The following HPSE2 variants were observed in gnomAD, a reference collection of about 807,000 sequenced individuals.
HPSE2 encodes the protein inactive heparanase-2.
HPSE2 carries 38 observed loss-of-function variants against 60.5 expected under a neutral mutation model. The observed-to-expected ratio is 0.63, with a 90% CI of 0.48 to 0.82. The LOEUF (loss-of-function observed/expected upper bound fraction) is 0.82. Ranked by LOEUF, HPSE2 falls within the 40% of genes least tolerant of loss-of-function variation. The pLI, the probability that HPSE2 is intolerant of heterozygous loss-of-function variation, is 0.00. For synonymous variants in HPSE2, 295 were observed against 293.2 expected (o/e 1.01, Z -0.06); for missense variants, 713 against 740.4 (o/e 0.96, Z 0.43).
intron 3 of HPSE2, among the ~76,000 whole-genome samples, chr10:99,020,896 G>A (rs1035830555): frequency 1.3e-5 from 2 of 152,160 alleles, no homozygotes; most frequent in Non-Finnish European, 2.9e-5. Flanking sequence ...CAGGGCCAGG[G>A]AACACACAGG....
chr10:98,476,615 CCT>C (rs1941032825), intron 11 of HPSE2, among the ~76,000 whole-genome samples: 1 of 151,916 alleles, frequency 6.6e-6, no homozygotes, highest in African/African-American at 2.4e-5. Context: ...CATGGTGGAA[CCT>C]CATCTTTACT....
intron 2 of HPSE2, among the ~76,000 whole-genome samples, chr10:99,216,525 T>C (rs1441463467): frequency 1.3e-5 from 2 of 152,148 alleles, no homozygotes; most frequent in Non-Finnish European, 2.9e-5. Flanking sequence ...TTTACAACAA[T>C]CAGAGATAAT....
At chr10:98,822,294 C>T (rs1260706157) in intron 3 of HPSE2, among the ~76,000 whole-genome samples, 1 of 152,084 alleles carries the variant, frequency 6.6e-6, no homozygotes, top group Non-Finnish European at 1.5e-5. Context: ...TTTCATTCAG[C>T]CACCTCCATA....
chr10:98,750,168 T>C (rs1039214089), intron 3 of HPSE2, among the ~76,000 whole-genome samples: 3 of 151,820 alleles, frequency 2.0e-5, no homozygotes, highest in Non-Finnish European at 4.4e-5. Flanking sequence ...GTCAAGTAGA[T>C]AACTATGGAA....
intron 3 of HPSE2, among the ~76,000 whole-genome samples, chr10:98,950,646 A>C (rs564432613): frequency 6.6e-5 from 10 of 152,294 alleles, no homozygotes; most frequent in South Asian, 2.1e-4. Flanking sequence ...AAACAATATA[A>C]TTAATCTGGC....
intron 9 of HPSE2, among the ~76,000 whole-genome samples, chr10:98,578,689 A>G (rs1320646155): frequency 6.6e-6 from 1 of 152,232 alleles, no homozygotes; most frequent in Non-Finnish European, 1.5e-5. Flanking sequence ...GCAAAGGAAA[A>G]ATTGTGAAAC....
chr10:98,764,756 C>T (rs559136019), intron 3 of HPSE2, among the ~76,000 whole-genome samples: 3 of 152,198 alleles, frequency 2.0e-5, no homozygotes, highest in Admixed American at 6.5e-5. Flanking sequence ...CCTCTGGAGG[C>T]TGAGGCAGGA....
At chr10:98,725,364 A>C (rs1949044899) in intron 4 of HPSE2, among the ~76,000 whole-genome samples, 3 of 152,210 alleles carry the variant, frequency 2.0e-5, no homozygotes, top group African/African-American at 7.2e-5. Flanking sequence ...TCTTTGACAA[A>C]CCTGACAAAA....
chr10:98,514,089 T>C (rs1942510863), intron 9 of HPSE2, among the ~76,000 whole-genome samples: 1 of 152,156 alleles, frequency 6.6e-6, no homozygotes, highest in Non-Finnish European at 1.5e-5. Context: ...TGGAATATTA[T>C]TCAGATGTAA....
intron 3 of HPSE2, among the ~76,000 whole-genome samples, chr10:99,056,942 G>C (rs1958127826): frequency 6.6e-6 from 1 of 152,146 alleles, no homozygotes; most frequent in Non-Finnish European, 1.5e-5. Context: ...CAGCAAAGTA[G>C]ATGAGTATTG....
chr10:99,153,766 A>G (rs1416894290), intron 2 of HPSE2, among the ~76,000 whole-genome samples: 1 of 152,242 alleles, frequency 6.6e-6, no homozygotes, highest in Non-Finnish European at 1.5e-5. Context: ...GACTTTGACG[A>G]GCTGAGAGAA....
intron 3 of HPSE2, among the ~76,000 whole-genome samples, chr10:99,038,371 G>A (rs1317972055): frequency 1.3e-5 from 2 of 152,106 alleles, no homozygotes; most frequent in Non-Finnish European, 2.9e-5. Flanking sequence ...TAACGACTTG[G>A]ATGACTATCA....
At chr10:99,018,059 A>T (rs575831168) in intron 3 of HPSE2, among the ~76,000 whole-genome samples, 6 of 152,302 alleles carry the variant, frequency 3.9e-5, no homozygotes, top group African/African-American at 1.4e-4. Context: ...TTACCACCTA[A>T]CAGTTCATGA....
At chr10:99,164,909 C>T (rs892385321) in intron 2 of HPSE2, among the ~76,000 whole-genome samples, 2 of 151,552 alleles carry the variant, frequency 1.3e-5, no homozygotes, top group African/African-American at 4.9e-5. Flanking sequence ...CATGGTGAAA[C>T]CCCGTCTCTA....
At chr10:98,548,102 C>A (rs539921372) in intron 9 of HPSE2, among the ~76,000 whole-genome samples, 1 of 152,116 alleles carries the variant, frequency 6.6e-6, no homozygotes, top group African/African-American at 2.4e-5. Flanking sequence ...ACAAAAATGC[C>A]CATAAATAAC....
At chr10:98,985,478 G>A (rs1401974177) in intron 3 of HPSE2, among the ~76,000 whole-genome samples, 4 of 152,142 alleles carry the variant, frequency 2.6e-5, no homozygotes, top group Non-Finnish European at 5.9e-5. Flanking sequence ...CCCTAAAACA[G>A]CTCCTGAAGG....
intron 3 of HPSE2, among the ~76,000 whole-genome samples, chr10:99,107,755 A>G (rs1844304639): frequency 6.6e-6 from 1 of 152,220 alleles, no homozygotes; most frequent in South Asian, 2.1e-4. Flanking sequence ...TGGAAATTTT[A>G]TGGAAGTTTC....
At chr10:99,231,859 A>C (rs1385877798) in intron 2 of HPSE2, among the ~76,000 whole-genome samples, 2 of 152,216 alleles carry the variant, frequency 1.3e-5, no homozygotes, top group African/African-American at 4.8e-5. Context: ...CCCTAATCAC[A>C]GGAAGGCAAG....
the HPSE2 span, among the ~76,000 whole-genome samples, chr10:99,246,861 T>A: frequency 1.3e-5 from 2 of 152,250 alleles, no homozygotes; most frequent in Non-Finnish European, 2.9e-5. Flanking sequence ...TGTGTCCAGT[T>A]TTGCCTAGCT....
Sources: allele counts gnomAD v4.1 joint callset (sites outside exome capture counted in the v4.1 genomes callset), GRCh38; gene constraint gnomAD v4.1.1; transcripts MANE v1.5; gene names NCBI Gene and HGNC (gene_info 2026-07-23, HGNC 2026-07-21).